The following ATG5 variants were observed in gnomAD, a reference collection of about 807,000 sequenced individuals.
The protein encoded by ATG5 is autophagy related 5.
Under a neutral mutation model 36.5 loss-of-function variants are expected in ATG5, and 14 were observed. The observed-to-expected ratio is 0.38, with a 90% CI of 0.25 to 0.60. The LOEUF (loss-of-function observed/expected upper bound fraction) is 0.60, where lower values mean the gene tolerates loss of function less well. Among genes scored for constraint, ATG5 ranks in the 20% least tolerant of loss-of-function variants. ATG5 has a pLI of 0.60. For missense variants in ATG5, 195 were observed against 326.7 expected (o/e 0.60, Z 3.11); for synonymous variants, 95 against 101.5 (o/e 0.94, Z 0.38).
chr6:106,190,478 G>T (rs1775930109), intron 7 of ATG5, among the ~76,000 whole-genome samples: 1 of 152,146 alleles, frequency 6.6e-6, no homozygotes, highest in Admixed American at 6.5e-5. Flanking sequence ...ATACATTCAG[G>T]TCATGTCAAG....
intron 3 of ATG5, among the ~76,000 whole-genome samples, chr6:106,303,471 ATATC>A (rs1770295788): frequency 6.6e-6 from 1 of 152,248 alleles, no homozygotes. Context: ...TTCACTAAAG[ATATC>A]TATCAAACAC....
chr6:106,234,380 C>T (rs563104252), intron 6 of ATG5, among the ~76,000 whole-genome samples: 1 of 152,276 alleles, frequency 6.6e-6, no homozygotes, highest in East Asian at 1.9e-4. Context: ...TGTACCTGAA[C>T]AATGGAACAA....
chr6:106,291,164 G>T (rs551504190), intron 4 of ATG5, among the ~76,000 whole-genome samples: 34 of 152,134 alleles, frequency 2.2e-4, no homozygotes, highest in Non-Finnish European at 4.1e-4. Flanking sequence ...AACCATATTT[G>T]GCATGCAACA....
intron 4 of ATG5, among the ~76,000 whole-genome samples, chr6:106,289,604 A>G (rs1380201131): frequency 3.3e-5 from 5 of 152,160 alleles, no homozygotes; most frequent in Admixed American, 3.3e-4. Context: ...AAGGATCCCA[A>G]AGAGTTTATA....
intron 6 of ATG5, among the ~76,000 whole-genome samples, chr6:106,223,850 C>T (rs1350901030): frequency 2.0e-5 from 3 of 152,212 alleles, no homozygotes; most frequent in African/African-American, 7.2e-5. Flanking sequence ...GTTGGCTCTG[C>T]CATCAAACAA....
intron 6 of ATG5, among the ~76,000 whole-genome samples, chr6:106,243,904 CTTT>C (rs35701133): frequency 0.026 from 1,420 of 54,938 alleles, 69 homozygotes; most frequent in African/African-American, 0.086. Context: ...AGGAACCATC[CTTT>C]TTTTTTTTTT....
chr6:106,317,874 T>C (rs1285364726), intron 1 of ATG5, among the ~76,000 whole-genome samples: 1 of 152,170 alleles, frequency 6.6e-6, no homozygotes, highest in African/African-American at 2.4e-5. Flanking sequence ...AATAATGAAA[T>C]CTAGGTTATG....
intron 3 of ATG5, among the ~76,000 whole-genome samples, chr6:106,297,394 T>G (rs2114640929): frequency 6.6e-6 from 1 of 152,146 alleles, no homozygotes; most frequent in African/African-American, 2.4e-5. Context: ...TTGATTCACA[T>G]AAAAAAGAAA....
chr6:106,200,405 A>G (rs1776374685), intron 7 of ATG5, among the ~76,000 whole-genome samples: 1 of 152,172 alleles, frequency 6.6e-6, no homozygotes, highest in Non-Finnish European at 1.5e-5. Context: ...ATACTAATGC[A>G]TTACCTGTTT....
chr6:106,221,443 T>C (rs913709894), intron 6 of ATG5, among the ~76,000 whole-genome samples: 73 of 152,172 alleles, frequency 4.8e-4, no homozygotes, highest in African/African-American at 1.7e-3. Context: ...CCCAGCACTT[T>C]GGGAGGCCAA....
intron 6 of ATG5, among the ~76,000 whole-genome samples, chr6:106,223,377 C>T (rs570700621): frequency 2.7e-4 from 41 of 152,190 alleles, no homozygotes; most frequent in African/African-American, 9.9e-4. Flanking sequence ...AACATATCTG[C>T]CAAATAAGCT....
chr6:106,286,846 T>A (rs764132804), intron 4 of ATG5, among the ~76,000 whole-genome samples: 1 of 152,150 alleles, frequency 6.6e-6, no homozygotes, highest in Non-Finnish European at 1.5e-5. Flanking sequence ...CCATAGGATA[T>A]GAATTCTGCC....
intron 3 of ATG5, among the ~76,000 whole-genome samples, chr6:106,300,022 A>G (rs1163708889): frequency 3.9e-5 from 6 of 152,230 alleles, no homozygotes; most frequent in African/African-American, 1.4e-4. Flanking sequence ...ACAAACAACT[A>G]TAGAGTAGCA....
At chr6:106,226,015 A>G (rs1211801656) in intron 6 of ATG5, among the ~76,000 whole-genome samples, 1 of 152,260 alleles carries the variant, frequency 6.6e-6, no homozygotes, top group African/African-American at 2.4e-5. Context: ...AACATCTACG[A>G]AGGCCCTAAA....
chr6:106,235,075 C>G (rs542143227), intron 6 of ATG5, among the ~76,000 whole-genome samples: 3 of 152,180 alleles, frequency 2.0e-5, no homozygotes, highest in Non-Finnish European at 4.4e-5. Flanking sequence ...TTGAATACAA[C>G]GTAGAACAGA....
chr6:106,270,411 A>G (rs1296803670), intron 5 of ATG5, among the ~76,000 whole-genome samples: 1 of 152,212 alleles, frequency 6.6e-6, no homozygotes, highest in Non-Finnish European at 1.5e-5. Flanking sequence ...CCTTCCTGCA[A>G]AACGTACTAC....
chr6:106,314,294 T>C (rs1582690207), intron 2 of ATG5, among the ~76,000 whole-genome samples: 1 of 152,328 alleles, frequency 6.6e-6, no homozygotes, highest in East Asian at 1.9e-4. Flanking sequence ...GAGTAGCTCA[T>C]GCCTGTAATC....
At chr6:106,278,715 T>G (rs118129356) in intron 5 of ATG5, among the ~76,000 whole-genome samples, 1 of 152,350 alleles carries the variant, frequency 6.6e-6, no homozygotes, top group Non-Finnish European at 1.5e-5. Context: ...ATTCCCTTTT[T>G]TCAATTATCC....
chr6:106,197,828 T>C (rs1460387752), intron 7 of ATG5, among the ~76,000 whole-genome samples: 4 of 152,162 alleles, frequency 2.6e-5, no homozygotes, highest in Admixed American at 6.6e-5. Flanking sequence ...GGTGTTTCTT[T>C]ATAGCAACAC....
Sources: gnomAD v4.1 joint callset for allele counts (sites outside exome capture counted in the v4.1 genomes callset) on GRCh38, gnomAD v4.1.1 for gene constraint, MANE v1.5 for transcripts, NCBI Gene and HGNC (gene_info 2026-07-23, HGNC 2026-07-21) for gene names.